SYNDIG1: variants seen among roughly 807,000 people sequenced by gnomAD.
The protein encoded by SYNDIG1 is synapse differentiation inducing 1.
Under a neutral mutation model 19.4 loss-of-function variants are expected in SYNDIG1, and 9 were observed. The observed-to-expected ratio is 0.46, with a 90% confidence interval of 0.28 to 0.81. The LOEUF is 0.81. Among genes scored for constraint, SYNDIG1 ranks in the 30% least tolerant of loss-of-function variants. The pLI is 0.12. For synonymous variants in SYNDIG1, 141 were observed against 145.9 expected, an observed-to-expected ratio of 0.97 and a Z score of 0.24; for missense variants, 311 against 343.3, an observed-to-expected ratio of 0.91 and a Z score of 0.74.
At chr20:24,526,591 A>G (rs2057128560) in intron 1 of SYNDIG1, among the ~76,000 whole-genome samples, 1 of 152,284 alleles carries the variant, frequency 6.6e-6, no homozygotes, top group East Asian at 1.9e-4. Context: ...ATAGATATAG[A>G]TATATAGATA....
chr20:24,578,619 T>C (rs1348485009), intron 2 of SYNDIG1, among the ~76,000 whole-genome samples: 1 of 152,052 alleles, frequency 6.6e-6, no homozygotes, highest in Non-Finnish European at 1.5e-5. Context: ...AGAAGTGGCA[T>C]TTGCGCAAAA....
intron 2 of SYNDIG1, among the ~76,000 whole-genome samples, chr20:24,568,752 C>T (rs1390842542): frequency 6.6e-6 from 1 of 152,220 alleles, no homozygotes; most frequent in African/African-American, 2.4e-5. Context: ...GAGGTAGTCA[C>T]AGCATTTGAT....
intron 3 of SYNDIG1, among the ~76,000 whole-genome samples, chr20:24,653,183 C>T (rs747951530): frequency 1.3e-5 from 2 of 152,102 alleles, no homozygotes; most frequent in African/African-American, 2.4e-5. Context: ...AGAGAATGGA[C>T]GTGGAGCAAC....
intron 1 of SYNDIG1, among the ~76,000 whole-genome samples, chr20:24,521,267 G>A (rs892097424): frequency 6.6e-6 from 1 of 152,154 alleles, no homozygotes; most frequent in South Asian, 2.1e-4. Flanking sequence ...GCATCATGAT[G>A]CTATGCACTT....
At chr20:24,524,820 A>C (rs1026682039) in intron 1 of SYNDIG1, among the ~76,000 whole-genome samples, 1 of 152,054 alleles carries the variant, frequency 6.6e-6, no homozygotes, top group African/African-American at 2.4e-5. Context: ...CTCTCTTTAC[A>C]CAGCCTCATC....
At chr20:24,626,189 C>T (rs1277359730) in intron 3 of SYNDIG1, among the ~76,000 whole-genome samples, 9 of 132,220 alleles carry the variant, frequency 6.8e-5, no homozygotes, top group African/African-American at 1.4e-4. Context: ...ACCTCCCTCC[C>T]GGACGGGGCG....
chr20:24,582,317 T>C (rs1325676218), intron 2 of SYNDIG1, among the ~76,000 whole-genome samples: 1 of 31,272 alleles, frequency 3.2e-5, no homozygotes, highest in African/African-American at 1.3e-4. Context: ...CGCCCTCCCC[T>C]CTCATGCTGT....
intron 3 of SYNDIG1, among the ~76,000 whole-genome samples, chr20:24,640,800 G>A (rs745308623): frequency 2.9e-4 from 44 of 152,238 alleles, no homozygotes; most frequent in Non-Finnish European, 5.0e-4. Flanking sequence ...CATCTCTAGA[G>A]GCACCAAACT....
intron 2 of SYNDIG1, among the ~76,000 whole-genome samples, chr20:24,581,071 C>T (rs2058314432): frequency 6.6e-6 from 1 of 152,068 alleles, no homozygotes. Flanking sequence ...AGGAAGACAC[C>T]TCATCTTCTC....
At chr20:24,623,712 T>C (rs759822671) in intron 3 of SYNDIG1, among the ~76,000 whole-genome samples, 3 of 152,168 alleles carry the variant, frequency 2.0e-5, no homozygotes, top group Non-Finnish European at 4.4e-5. Context: ...AAATTTAGAT[T>C]AGTTTAAGAT....
At chr20:24,640,518 G>A (rs952562033) in intron 3 of SYNDIG1, among the ~76,000 whole-genome samples, 1 of 135,506 alleles carries the variant, frequency 7.4e-6, no homozygotes, top group African/African-American at 2.6e-5. Context: ...AGGAAGGAAG[G>A]AAGGAAGGAA....
chr20:24,606,204 T>C (rs757486615), intron 3 of SYNDIG1, among the ~76,000 whole-genome samples: 16 of 152,230 alleles, frequency 1.1e-4, no homozygotes, highest in Non-Finnish European at 1.9e-4. Context: ...AGAACAGGCA[T>C]GTGGGCAGTC....
At chr20:24,553,335 T>C (rs1383015455) in intron 2 of SYNDIG1, among the ~76,000 whole-genome samples, 3 of 152,200 alleles carry the variant, frequency 2.0e-5, no homozygotes, top group Non-Finnish European at 4.4e-5. Flanking sequence ...TTTGTCAATT[T>C]TGGATTTTGT....
At chr20:24,557,806 G>A (rs1002089731) in intron 2 of SYNDIG1, among the ~76,000 whole-genome samples, 36 of 152,156 alleles carry the variant, frequency 2.4e-4, no homozygotes, top group Non-Finnish European at 3.1e-4. Flanking sequence ...ATCTCCAGCC[G>A]CATGCTGGGA....
intron 3 of SYNDIG1, among the ~76,000 whole-genome samples, chr20:24,616,837 C>T (rs942407024): frequency 3.3e-5 from 5 of 152,232 alleles, no homozygotes; most frequent in African/African-American, 1.2e-4. Context: ...CAACCCTTCA[C>T]TGAGCTACTG....
At chr20:24,486,666 T>G (rs574668529) in intron 1 of SYNDIG1, among the ~76,000 whole-genome samples, 2 of 151,768 alleles carry the variant, frequency 1.3e-5, no homozygotes, top group Admixed American at 6.6e-5. Flanking sequence ...TTAATTTTTT[T>G]TTTGTTTTTT....
intron 1 of SYNDIG1, among the ~76,000 whole-genome samples, chr20:24,528,481 A>C (rs1397947798): frequency 6.6e-6 from 1 of 152,194 alleles, no homozygotes; most frequent in African/African-American, 2.4e-5. Flanking sequence ...TCCAACATTG[A>C]AGTGCTGGCA....
At chr20:24,625,132 A>G (rs2059103206) in intron 3 of SYNDIG1, among the ~76,000 whole-genome samples, 1 of 152,212 alleles carries the variant, frequency 6.6e-6, no homozygotes, top group African/African-American at 2.4e-5. Context: ...ACCTTAGGGC[A>G]CTAGAGAAAT....
At chr20:24,607,072 C>G (rs1206831985) in intron 3 of SYNDIG1, among the ~76,000 whole-genome samples, 1 of 152,004 alleles carries the variant, frequency 6.6e-6, no homozygotes, top group Non-Finnish European at 1.5e-5. Context: ...TTGAAAACTC[C>G]ACCTTGGCCG....
Sources: gnomAD v4.1 joint callset for allele counts (sites outside exome capture counted in the v4.1 genomes callset) on GRCh38, gnomAD v4.1.1 for gene constraint, MANE v1.5 for transcripts, NCBI Gene and HGNC (gene_info 2026-07-23, HGNC 2026-07-21) for gene names.